The following NBPF15 variants were observed in gnomAD, a reference collection of about 807,000 sequenced individuals.
The protein encoded by NBPF15 is NBPF family member NBPF15.
NBPF15 carries 74 observed loss-of-function variants against 62.2 expected under a neutral mutation model. The observed-to-expected ratio is 1.19, with a 90% CI of 0.99 to 1.44. The LOEUF is 1.44. Among genes scored for constraint, NBPF15 ranks in the 40% most tolerant of loss-of-function variants. The pLI is 0.00. For synonymous variants in NBPF15, 244 were observed against 209.7 expected (o/e 1.16, Z -1.41); for missense variants, 790 against 550.0 (o/e 1.44, Z -4.36).
Position 144,422,838 on chromosome 1 carries a change from G to T in NBPF15, c.*175C>A. ...GTGTCACACCTAACATGGGTCCATTGTCTTCAGATTGAGCACAGGTTGCCA... is the reference window on the plus strand; with the variant it reads ...GTGTCACACCTAACATGGGTCCATTTTCTTCAGATTGAGCACAGGTTGCCA... On this transcript the variant is annotated 3_prime_UTR_variant, in exon 22 of 22. Coordinates refer to ENST00000581897, the MANE Select transcript of NBPF15 (RefSeq NM_001385408.1). 6.6e-7 allele frequency: 1 copy of T among 1,507,216 alleles called. No homozygotes were observed. The highest frequency in any genetic ancestry group is 9.0e-7 in the Non-Finnish European group (1 of 1,110,196). 93.4% of individuals were successfully genotyped at this position (1,507,216 alleles called of 1,614,324 possible).
intron 21 of NBPF15, 60 bp from the exon 22 acceptor site, chr1:144,423,316 A>C: frequency 2.5e-6 from 4 of 1,611,398 alleles, no homozygotes; most frequent in Non-Finnish European, 3.4e-6. Flanking sequence ...ACAGAGCCCC[A>C]CTAGATTTCA....
intron 8 of NBPF15, 147 bp downstream of exon 8, chr1:144,439,682 T>G: frequency 2.0e-6 from 1 of 506,028 alleles, no homozygotes; most frequent in Non-Finnish European, 3.5e-6. Flanking sequence ...GTCTTCCAAC[T>G]TTAACAAAAT....
At chr1:144,459,821 C>A (rs1259001627) in intron 2 of NBPF15, among the ~76,000 whole-genome samples, 2 of 151,852 alleles carry the variant, frequency 1.3e-5, no homozygotes, top group South Asian at 4.2e-4. Context: ...AACTGACAGG[C>A]ATCAGCAAGG....
At chr1:144,424,620 T>G (rs1668287794) in intron 20 of NBPF15, 70 bp downstream of exon 20, 1 of 659,872 alleles carries the variant, frequency 1.5e-6, no homozygotes, top group African/African-American at 1.8e-5. Context: ...AATGGCCAAT[T>G]GGAGCAGGAA....
At chr1:144,435,713 A>C (rs1333357960) in intron 11 of NBPF15, 68 bp downstream of exon 11, 1 of 721,510 alleles carries the variant, frequency 1.4e-6, no homozygotes, top group Non-Finnish European at 2.5e-6. Flanking sequence ...GATGCCAGAG[A>C]GGGTGTGCCT....
chr1:144,444,131 A>T (rs1406816150), intron 6 of NBPF15, among the ~76,000 whole-genome samples: 2 of 151,742 alleles, frequency 1.3e-5, no homozygotes. Flanking sequence ...GTTATTGGAC[A>T]TTTCTATCAT....
At chr1:144,436,723 C>A (rs1337272041) in intron 10 of NBPF15, among the ~76,000 whole-genome samples, 172 bp downstream of exon 10, 3 of 151,656 alleles carry the variant, frequency 2.0e-5, no homozygotes, top group South Asian at 2.1e-4. Context: ...TGACCTCCAA[C>A]CCCATGGGTT....
At chr1:144,433,482 A>T (rs1400079082) in intron 13 of NBPF15, among the ~76,000 whole-genome samples, 2 of 147,408 alleles carry the variant, frequency 1.4e-5, no homozygotes, top group Admixed American at 1.4e-4. Context: ...GAGACACAAA[A>T]AACCCTTCAA....
chr1:144,423,056 C>T lies in NBPF15; in HGVS notation c.1970G>A (p.Ser657Asn), dbSNP rs781936502. The T allele has an allele frequency of 1.1e-5, 17 of 1,611,492 alleles. 1 individual carries two copies. Among genetic ancestry groups the T allele is most frequent in the African/African-American group, 2.7e-5 (2 of 74,774 alleles). The change falls in exon 22 of 22, where the codon AGT becomes AAT. Residue 657 changes from serine (S) to asparagine (N), a missense_variant. Coordinates refer to ENST00000581897, the MANE Select transcript of NBPF15 (RefSeq NM_001385408.1). ...TCCCATCTGGAACACCAGGTGGAGA[C>T]TTGTCACCGTCAAAGTAAAAAACCT... ...DNRFFTLTVT[S>N]LHLVFQMGVI...
intron 8 of NBPF15, among the ~76,000 whole-genome samples, chr1:144,438,967 T>A (rs1301171695): frequency 1.1e-4 from 16 of 151,780 alleles, no homozygotes; most frequent in Non-Finnish European, 2.1e-4. Context: ...TGCTTTTTAT[T>A]CTTATTTTTA....
chr1:144,449,329 T>C (rs1689637650), intron 5 of NBPF15, among the ~76,000 whole-genome samples: 2 of 151,938 alleles, frequency 1.3e-5, no homozygotes, highest in Admixed American at 1.3e-4. Context: ...TATGACTCAC[T>C]AATTCCTAAG....
At chr1:144,447,849 C>T (rs1214342494) in intron 6 of NBPF15, among the ~76,000 whole-genome samples, 1 of 152,032 alleles carries the variant, frequency 6.6e-6, no homozygotes, top group Non-Finnish European at 1.5e-5. Context: ...GCTGGTACAG[C>T]CTCGCTCAAT....
At chr1:144,457,245 A>G (rs587637109) in intron 3 of NBPF15, among the ~76,000 whole-genome samples, 73 of 152,176 alleles carry the variant, frequency 4.8e-4, no homozygotes, top group African/African-American at 1.7e-3. Flanking sequence ...GTGAACAAGA[A>G]TTCGATTCTT....
chr1:144,445,252 TTGTG>T (rs1211020111), intron 6 of NBPF15, among the ~76,000 whole-genome samples: 4 of 123,702 alleles, frequency 3.2e-5, no homozygotes, highest in African/African-American at 9.5e-5. Flanking sequence ...GTGTGTGTGT[TTGTG>T]TGTGTCTGTA....
intron 6 of NBPF15, among the ~76,000 whole-genome samples, chr1:144,446,700 C>T (rs374179069): frequency 1.9e-4 from 29 of 152,180 alleles, no homozygotes; most frequent in East Asian, 1.2e-3. Flanking sequence ...GGTAATCATA[C>T]GGTTTTTCTC....
At chr1:144,428,033 A>G in intron 15 of NBPF15, 43 bp from the exon 16 acceptor site, 2 of 774,436 alleles carry the variant, frequency 2.6e-6, no homozygotes, top group Non-Finnish European at 4.8e-6. Flanking sequence ...AGGGGGAATC[A>G]GAAACCACAC....
intron 8 of NBPF15, among the ~76,000 whole-genome samples, chr1:144,438,822 T>C (rs1162530968): frequency 6.6e-6 from 1 of 151,558 alleles, no homozygotes; most frequent in Non-Finnish European, 1.5e-5. Context: ...TGGAGCCCAG[T>C]AGACAGGCCC....
chr1:144,440,589 G>C (rs1210606151), intron 6 of NBPF15: 3 of 212,890 alleles, frequency 1.4e-5, no homozygotes, highest in African/African-American at 7.0e-5. Flanking sequence ...TTTCTTAATG[G>C]TAGTCATGAA....
At chr1:144,448,170 C>T (rs1688911315) in intron 6 of NBPF15, among the ~76,000 whole-genome samples, 1 of 152,064 alleles carries the variant, frequency 6.6e-6, no homozygotes, top group African/African-American at 2.4e-5. Context: ...CAGACCCATC[C>T]CTGCTTCTCT....
Sources: gnomAD v4.1 joint callset for allele counts (sites outside exome capture counted in the v4.1 genomes callset) on GRCh38, gnomAD v4.1.1 for gene constraint, MANE v1.5 for transcripts, NCBI Gene and HGNC (gene_info 2026-07-23, HGNC 2026-07-21) for gene names.